The following MATN2 variants were observed in gnomAD, a reference collection of about 807,000 sequenced individuals.
The protein encoded by MATN2 is matrilin-2.
A neutral mutation model predicts 103.2 loss-of-function variants in MATN2; 69 were observed. That is an observed-to-expected ratio of 0.67 (90% CI 0.55 to 0.82). MATN2 has a LOEUF of 0.82. Among genes scored for constraint, MATN2 ranks in the 40% least tolerant of loss-of-function variants. The pLI is 0.00. For missense variants in MATN2, 1,023 were observed against 1,211.5 expected (o/e 0.84, Z 2.31); for synonymous variants, 429 against 450.2 (o/e 0.95, Z 0.60).
At chr8:97,904,012 T>A (rs1450834590) in intron 2 of MATN2, among the ~76,000 whole-genome samples, 1 of 152,234 alleles carries the variant, frequency 6.6e-6, no homozygotes, top group Non-Finnish European at 1.5e-5. Context: ...CATAATGTAC[T>A]TTTTAATACC....
At chr8:97,889,508 A>G (rs1175174923) in intron 2 of MATN2, among the ~76,000 whole-genome samples, 1 of 128,464 alleles carries the variant, frequency 7.8e-6, no homozygotes, top group Non-Finnish European at 1.7e-5. Context: ...GATGCACACA[A>G]TCTTGGCTCA....
chr8:97,981,445 T>C (rs961835794), intron 6 of MATN2, among the ~76,000 whole-genome samples: 4 of 152,096 alleles, frequency 2.6e-5, no homozygotes, highest in Non-Finnish European at 5.9e-5. Context: ...ACTGTGCATA[T>C]ACCACGTGCC....
chr8:97,976,666 G>T (rs1401867874), intron 5 of MATN2, among the ~76,000 whole-genome samples: 5 of 151,346 alleles, frequency 3.3e-5, no homozygotes, highest in Non-Finnish European at 1.5e-5. Flanking sequence ...TTTTGAAAAG[G>T]GACTGGTCTT....
In MATN2 at chr8:98,035,648, G is replaced by C. The variant is rs2130468303; in HGVS notation, c.2816-9G>C. On this transcript the variant is annotated splice_polypyrimidine_tract_variant and intron_variant, in intron 18 of 18. Coordinates refer to ENST00000254898, the MANE Select transcript of MATN2 (RefSeq NM_002380.5). ...GACAATTCTTCATCTTCCTTAATTTGAGATTTACTAGAAGAAATGACACAG... is the reference window on the plus strand; with the variant it reads ...GACAATTCTTCATCTTCCTTAATTTCAGATTTACTAGAAGAAATGACACAG... The C allele has an allele frequency of 2.0e-6, 3 of 1,535,644 alleles. No individual in the cohort carries two copies. In the East Asian group the frequency reaches 6.8e-5, roughly 35 times the overall value.
chr8:97,895,217 A>G (rs1412317317), intron 2 of MATN2, among the ~76,000 whole-genome samples: 1 of 152,118 alleles, frequency 6.6e-6, no homozygotes, highest in African/African-American at 2.4e-5. Context: ...ATGGATTTCT[A>G]CATCCCAAAA....
chr8:97,949,877 T>C lies in MATN2; in HGVS notation c.835+7978T>C, dbSNP rs370211458. On this transcript the variant is annotated intron_variant, in intron 4 of 18. Transcript: ENST00000254898. ...GCCTGGATGCATCTCCAAATCACTA[T>C]GCTGAATGAAAGAAACCAGACCCAA... 1.4e-4 allele frequency among the ~76,000 whole-genome samples: 22 copies of C among 152,290 alleles called. 1 individual carries two copies. In the South Asian group the frequency reaches 2.9e-3, roughly 20 times the overall value.
intron 2 of MATN2, among the ~76,000 whole-genome samples, chr8:97,898,425 G>A (rs1818884196): frequency 6.6e-6 from 1 of 151,970 alleles, no homozygotes; most frequent in Non-Finnish European, 1.5e-5. Context: ...GTGAAACCTT[G>A]TGTCTACTAA....
At chr8:97,934,058 C>T (rs1337475799) in intron 3 of MATN2, among the ~76,000 whole-genome samples, 1 of 152,222 alleles carries the variant, frequency 6.6e-6, no homozygotes, top group Non-Finnish European at 1.5e-5. Context: ...TTGCTCATTT[C>T]ACTCCTCTGC....
intron 6 of MATN2, among the ~76,000 whole-genome samples, chr8:97,993,963 T>TTTG (rs1812478657): frequency 6.6e-6 from 1 of 151,634 alleles, no homozygotes; most frequent in Admixed American, 6.6e-5. Flanking sequence ...TGCATAAACG[T>TTTG]TTTGTAATAT....
At chr8:97,934,567 A>G (rs1810311342) in intron 3 of MATN2, among the ~76,000 whole-genome samples, 1 of 152,252 alleles carries the variant, frequency 6.6e-6, no homozygotes. Flanking sequence ...ACAAGTCCCA[A>G]TCAATGTAAA....
chr8:97,915,353 C>T (rs1382308290), intron 2 of MATN2, among the ~76,000 whole-genome samples: 5 of 152,176 alleles, frequency 3.3e-5, no homozygotes, highest in African/African-American at 9.7e-5. Context: ...AAGCTCCTCC[C>T]AGGCTGAGAC....
At chr8:97,950,597 A>C (rs905224974) in intron 4 of MATN2, 2 of 152,224 alleles carry the variant, frequency 1.3e-5, no homozygotes, top group Non-Finnish European at 2.9e-5. Flanking sequence ...CCCCCCACAC[A>C]GAGAGCAGAA....
chr8:97,953,605 G>A (rs771968790), intron 4 of MATN2, among the ~76,000 whole-genome samples: 17 of 152,286 alleles, frequency 1.1e-4, no homozygotes, highest in Middle Eastern at 3.4e-3. Flanking sequence ...TGGGCAACAC[G>A]GTGAAACCCT....
intron 5 of MATN2, among the ~76,000 whole-genome samples, chr8:97,970,789 G>T (rs1563698937): frequency 6.6e-6 from 1 of 151,524 alleles, no homozygotes; most frequent in Non-Finnish European, 1.5e-5. Context: ...TCTCTACAAA[G>T]AATAAAAAAA....
chr8:98,026,256 GT>G (rs367888514), intron 13 of MATN2, among the ~76,000 whole-genome samples: 62 of 124,836 alleles, frequency 5.0e-4, no homozygotes, highest in South Asian at 1.3e-3. Flanking sequence ...TTTTAATTTT[GT>G]TTTTTTTTTT....
chr8:97,905,950 T>G (rs1476376165), intron 2 of MATN2, among the ~76,000 whole-genome samples: 1 of 152,204 alleles, frequency 6.6e-6, no homozygotes, highest in Non-Finnish European at 1.5e-5. Flanking sequence ...TGTGAACCAC[T>G]GTGCCTGGCC....
intron 5 of MATN2, among the ~76,000 whole-genome samples, chr8:97,961,934 CTT>C (rs1586095239): frequency 1.3e-5 from 2 of 152,324 alleles, no homozygotes; most frequent in South Asian, 2.1e-4. Flanking sequence ...AACGGGCAGC[CTT>C]CCTCCCTAAT....
chr8:97,902,837 G>A (rs975502360), intron 2 of MATN2, among the ~76,000 whole-genome samples: 1 of 152,152 alleles, frequency 6.6e-6, no homozygotes, highest in African/African-American at 2.4e-5. Context: ...TAAAAGGCTC[G>A]TTACCCACTC....
chr8:97,945,717 A>AAATATATATATATATATAT (rs59472539), intron 4 of MATN2, among the ~76,000 whole-genome samples: 24 of 121,792 alleles, frequency 2.0e-4, no homozygotes, highest in African/African-American at 6.8e-4. Context: ...AAAAAAAAAA[A>AAATATATATATATATATAT]ATATATATAT....
Sources: gnomAD v4.1 joint callset for allele counts (sites outside exome capture counted in the v4.1 genomes callset) on GRCh38, gnomAD v4.1.1 for gene constraint, MANE v1.5 for transcripts, NCBI Gene and HGNC (gene_info 2026-07-23, HGNC 2026-07-21) for gene names.